BRINP3: variants seen among roughly 807,000 people sequenced by gnomAD.
BRINP3 encodes the protein BMP/retinoic acid-inducible neural-specific protein 3.
In BRINP3, 19 loss-of-function variants were observed where a neutral mutation model predicts 71.0. That is an observed-to-expected ratio of 0.27 (90% CI 0.19 to 0.39). The LOEUF (loss-of-function observed/expected upper bound fraction) is 0.39, where lower values mean the gene tolerates loss of function less well. Among genes scored for constraint, BRINP3 ranks in the 10% least tolerant of loss-of-function variants. BRINP3 has a pLI of 1.00. For missense variants in BRINP3, 959 were observed against 940.8 expected (o/e 1.02, Z -0.25); for synonymous variants, 380 against 337.7 (o/e 1.13, Z -1.37).
intron 4 of BRINP3, among the ~76,000 whole-genome samples, chr1:190,260,855 G>A (rs988221232): frequency 6.6e-6 from 1 of 151,924 alleles, no homozygotes; most frequent in Non-Finnish European, 1.5e-5. Flanking sequence ...CAAGTTAATT[G>A]TAATATACTG....
rs535423236 is a variant in BRINP3 at position 190,469,501 on chromosome 1, A to T, written c.-51+7947T>A. ...TTTGTGCAACTTTGCTGCATAATTTATTCAATTTTTCATAATTTTTCTTCT... is the reference window on the plus strand; with the variant it reads ...TTTGTGCAACTTTGCTGCATAATTTTTTCAATTTTTCATAATTTTTCTTCT... On this transcript the variant is annotated intron_variant, in intron 1 of 7. Coordinates refer to ENST00000367462, the MANE Select transcript of BRINP3 (RefSeq NM_199051.3). Among the ~76,000 whole-genome samples, 3 of 151,192 alleles carry T rather than the reference A, an allele frequency of 2.0e-5. No homozygotes were observed. In the South Asian group the frequency reaches 6.2e-4, roughly 31 times the overall value.
At chr1:190,102,280 C>A (rs1276335294) in intron 7 of BRINP3, among the ~76,000 whole-genome samples, 1 of 152,096 alleles carries the variant, frequency 6.6e-6, no homozygotes, top group Admixed American at 6.6e-5. Context: ...TTCCCCCACC[C>A]AACAAGGTAA....
intron 3 of BRINP3, among the ~76,000 whole-genome samples, chr1:190,271,261 A>G (rs924449038): frequency 1.3e-5 from 2 of 151,624 alleles, no homozygotes; most frequent in Admixed American, 6.6e-5. Flanking sequence ...AAGTGTACCA[A>G]GTTTTACTGT....
At chr1:190,244,117 G>C (rs868741375) in intron 4 of BRINP3, among the ~76,000 whole-genome samples, 1 of 151,818 alleles carries the variant, frequency 6.6e-6, no homozygotes, top group Non-Finnish European at 1.5e-5. Flanking sequence ...TTAATGTAAC[G>C]AACTTGAATC....
intron 6 of BRINP3, among the ~76,000 whole-genome samples, chr1:190,220,645 A>T (rs975448503): frequency 6.6e-6 from 1 of 152,144 alleles, no homozygotes; most frequent in Non-Finnish European, 1.5e-5. Flanking sequence ...AAGATAAAAA[A>T]AATTGCAACT....
intron 7 of BRINP3, among the ~76,000 whole-genome samples, chr1:190,158,887 G>A (rs1319407254): frequency 6.6e-6 from 1 of 150,826 alleles, no homozygotes; most frequent in Non-Finnish European, 1.5e-5. Context: ...GAGAGAGAGA[G>A]AAAGAAAAGA....
At chr1:190,180,528 A>G (rs1055820278) in intron 6 of BRINP3, among the ~76,000 whole-genome samples, 4 of 152,246 alleles carry the variant, frequency 2.6e-5, no homozygotes, top group African/African-American at 9.6e-5. Flanking sequence ...TTTTAGGATA[A>G]TAAGTAAGAC....
At chr1:190,281,771 T>C (rs1663058984) in intron 2 of BRINP3, 21 bp from the exon 3 acceptor site, 1 of 1,598,204 alleles carries the variant, frequency 6.3e-7, no homozygotes, top group East Asian at 2.2e-5. Flanking sequence ...AATTTATTTT[T>C]ATTCATAAAT....
intron 6 of BRINP3, among the ~76,000 whole-genome samples, chr1:190,203,684 A>G (rs1254143104): frequency 2.1e-5 from 3 of 144,334 alleles, no homozygotes; most frequent in Admixed American, 7.1e-5. Context: ...CCTAATAGTA[A>G]ATACCTTCTG....
At chr1:190,476,660 T>C (rs1226159480) in intron 1 of BRINP3, among the ~76,000 whole-genome samples, 1 of 152,176 alleles carries the variant, frequency 6.6e-6, no homozygotes, top group African/African-American at 2.4e-5. Context: ...ATGTAAAGTC[T>C]ATTCTTGAAT....
intron 2 of BRINP3, among the ~76,000 whole-genome samples, chr1:190,310,972 C>G (rs745700918): frequency 2.0e-5 from 3 of 151,562 alleles, no homozygotes; most frequent in Admixed American, 6.6e-5. Context: ...ATTCCATAAC[C>G]AGCATGTAGG....
chr1:190,351,814 A>C (rs1668405402), intron 2 of BRINP3, among the ~76,000 whole-genome samples: 1 of 152,082 alleles, frequency 6.6e-6, no homozygotes, highest in Non-Finnish European at 1.5e-5. Flanking sequence ...TGCTTATCCA[A>C]TTTTCACCAT....
chr1:190,418,873 C>A (rs1266237703), intron 2 of BRINP3, among the ~76,000 whole-genome samples: 1 of 151,922 alleles, frequency 6.6e-6, no homozygotes, highest in Non-Finnish European at 1.5e-5. Context: ...GTTTTCAAGC[C>A]CAAACTAATG....
At chr1:190,225,874 G>A (rs537173130) in intron 6 of BRINP3, among the ~76,000 whole-genome samples, 10 of 151,966 alleles carry the variant, frequency 6.6e-5, no homozygotes, top group African/African-American at 2.4e-4. Flanking sequence ...CTTAGGATCA[G>A]GCTAAACTCT....
At chr1:190,266,352 A>C (rs935547398) in intron 3 of BRINP3, among the ~76,000 whole-genome samples, 1 of 152,222 alleles carries the variant, frequency 6.6e-6, no homozygotes, top group Non-Finnish European at 1.5e-5. Flanking sequence ...TCTACCAGAG[A>C]TCAGTTCAGC....
chr1:190,284,735 C>T (rs1368095360), intron 2 of BRINP3, among the ~76,000 whole-genome samples: 1 of 151,904 alleles, frequency 6.6e-6, no homozygotes, highest in Non-Finnish European at 1.5e-5. Flanking sequence ...CTTTGACACC[C>T]CATCTATTAA....
chr1:190,102,786 C>G (rs544020294), intron 7 of BRINP3, among the ~76,000 whole-genome samples: 1 of 152,038 alleles, frequency 6.6e-6, no homozygotes, highest in East Asian at 1.9e-4. Context: ...TATAGAGAAT[C>G]TTTATCTATA....
chr1:190,344,431 A>G (rs933752521), intron 2 of BRINP3, among the ~76,000 whole-genome samples: 9 of 150,870 alleles, frequency 6.0e-5, no homozygotes, highest in African/African-American at 2.2e-4. Context: ...TGAATTGGCC[A>G]TCAACAACAG....
chr1:190,219,722 CAGCTACTCAGGA>C (rs1345998892), intron 6 of BRINP3, among the ~76,000 whole-genome samples: 1 of 151,908 alleles, frequency 6.6e-6, no homozygotes, highest in Non-Finnish European at 1.5e-5. Context: ...TCTGTAGTCC[CAGCTACTCAGGA>C]AGCTGAGGCA....
Sources: allele counts gnomAD v4.1 joint callset (sites outside exome capture counted in the v4.1 genomes callset), GRCh38; gene constraint gnomAD v4.1.1; transcripts MANE v1.5; gene names NCBI Gene and HGNC (gene_info 2026-07-23, HGNC 2026-07-21).